Variants in KANSL1L observed in about 807,000 individuals in gnomAD.
The protein encoded by KANSL1L is KAT8 regulatory NSL complex subunit 1-like protein.
A neutral mutation model predicts 108.6 loss-of-function variants in KANSL1L; 25 were observed. That is an observed-to-expected ratio of 0.23 (90% CI 0.17 to 0.32). The LOEUF is 0.32. Ranked by LOEUF, KANSL1L falls within the 10% of genes least tolerant of loss-of-function variation. KANSL1L has a pLI of 1.00. For missense variants in KANSL1L, 1,137 were observed against 1,125.7 expected (o/e 1.01, Z -0.14); for synonymous variants, 405 against 395.1 (o/e 1.03, Z -0.30).
chr2:210,038,008 A>G (rs1255141850), intron 8 of KANSL1L, among the ~76,000 whole-genome samples: 4 of 152,128 alleles, frequency 2.6e-5, no homozygotes, highest in Non-Finnish European at 4.4e-5. Flanking sequence ...TAGAAGTAAA[A>G]TATTTTTATC....
Position 210,153,981 on chromosome 2 carries a change from A to G in KANSL1L, c.602T>C (p.Val201Ala). ...AACAGGCACATTTGAGTGGCCAGGT[A>G]CAATTTTCTTTTGAGTACAGTGCAA... Reference protein sequence around the residue: ...GLLHCTQKKIVPGHSNVPVSS... With the variant: ...GLLHCTQKKIAPGHSNVPVSS... Residue 201 changes from valine to alanine, a missense_variant, in exon 2 of 15, where the codon GTA becomes GCA. Physicochemically the swap from Val to Ala is moderately conservative, Grantham distance 64 (BLOSUM62 0). This residue lies in a region of KANSL1L where 556 missense variants were observed against 537.7 expected (regional missense o/e 1.03). Transcript: ENST00000281772. The G allele has an allele frequency of 5.0e-6, 8 of 1,613,752 alleles. No homozygotes were observed. Among genetic ancestry groups the G allele is most frequent in the Non-Finnish European group, 6.8e-6 (8 of 1,180,012 alleles).
Position 210,027,338 on chromosome 2 carries a change from A to T in KANSL1L, c.2409T>A (p.Val803=). ...KEILTPSWRM[V]VLQPLDEYNL... Reference sequence around the variant, plus strand: ...TATATTCATCCAAAGGCTGAAGAACAACCATCCTCCAGCTGTTGAAGATAA... The same window carrying T: ...TATATTCATCCAAAGGCTGAAGAACTACCATCCTCCAGCTGTTGAAGATAA... Residue 803 remains valine (V), a synonymous_variant, in exon 12 of 15, where the codon GTT becomes GTA. Transcript: ENST00000281772. 1.2e-6 allele frequency: 2 copies of T among 1,612,820 alleles called. No individual in the cohort carries two copies. The highest frequency in any genetic ancestry group is 1.7e-4 in the Middle Eastern group (1 of 6,052).
At chr2:210,072,710 C>T (rs907611379) in intron 6 of KANSL1L, among the ~76,000 whole-genome samples, 1 of 152,162 alleles carries the variant, frequency 6.6e-6, no homozygotes, top group Non-Finnish European at 1.5e-5. Flanking sequence ...CGGTAATGCT[C>T]GCTCAGCTGC....
chr2:210,171,577 G>A (rs1027631998), upstream of KANSL1L: 1 of 152,278 alleles, frequency 6.6e-6, no homozygotes, highest in African/African-American at 2.4e-5. Flanking sequence ...CTGGTGCAGG[G>A]TTTACCTCGG....
At chr2:210,123,751 G>A (rs1168913522) in intron 3 of KANSL1L, among the ~76,000 whole-genome samples, 1 of 151,744 alleles carries the variant, frequency 6.6e-6, no homozygotes, top group African/African-American at 2.4e-5. Context: ...TGATTATTAT[G>A]CATTGTATTC....
chr2:210,080,485 G>A (rs1317763229), intron 5 of KANSL1L: 1 of 152,194 alleles, frequency 6.6e-6, no homozygotes, highest in Non-Finnish European at 1.5e-5. Flanking sequence ...GAGCCTAGGA[G>A]TCTGAATCCA....
intron 10 of KANSL1L, 76 bp from the exon 11 acceptor site, chr2:210,029,045 T>A: frequency 1.6e-6 from 2 of 1,235,374 alleles, no homozygotes; most frequent in Non-Finnish European, 2.3e-6. Context: ...ATCAGTTATG[T>A]AAATATGGCA....
chr2:210,062,758 A>G (rs1188460681), intron 6 of KANSL1L, among the ~76,000 whole-genome samples: 1 of 152,174 alleles, frequency 6.6e-6, no homozygotes, highest in Admixed American at 6.5e-5. Flanking sequence ...AGAAATTTCT[A>G]AGCAGCAAAG....
chr2:210,056,701 G>A (rs1177770616), intron 6 of KANSL1L, among the ~76,000 whole-genome samples: 3 of 152,050 alleles, frequency 2.0e-5, no homozygotes, highest in African/African-American at 2.4e-5. Flanking sequence ...GGCTGCTCTC[G>A]AACTCCTGAC....
At chr2:210,144,286 G>A (rs937523199) in intron 2 of KANSL1L, among the ~76,000 whole-genome samples, 1 of 152,096 alleles carries the variant, frequency 6.6e-6, no homozygotes, top group African/African-American at 2.4e-5. Context: ...ATAATATGTT[G>A]TAGTGTGGTC....
intron 3 of KANSL1L, among the ~76,000 whole-genome samples, chr2:210,115,872 G>A (rs904463419): frequency 1.3e-5 from 2 of 152,142 alleles, no homozygotes; most frequent in African/African-American, 4.8e-5. Flanking sequence ...GAACAAGACG[G>A]CTGAATAGAA....
rs1016029055 is a variant in KANSL1L at position 210,070,897 on chromosome 2, C to T, written c.1755+4655G>A. Among the ~76,000 whole-genome samples the T allele has an allele frequency of 3.3e-4, 50 of 152,084 alleles. 1 individual carries two copies. The highest frequency in any genetic ancestry group is 3.4e-4 in the Non-Finnish European group (23 of 68,026). On this transcript the variant is annotated intron_variant, in intron 6 of 14. Transcript: ENST00000281772. ...ATATGTAGCCGGGTGCAGTGGCTCA[C>T]GCCTGTAATCCCAGCACTTTGGGAG...
At chr2:210,120,058 T>G (rs2094999612) in intron 3 of KANSL1L, among the ~76,000 whole-genome samples, 3 of 152,090 alleles carry the variant, frequency 2.0e-5, no homozygotes, top group African/African-American at 7.2e-5. Context: ...TCAACAAACC[T>G]GAAAGAAATA....
At chr2:210,151,291 GA>G (rs1376564436) in intron 2 of KANSL1L, 1 of 152,184 alleles carries the variant, frequency 6.6e-6, no homozygotes, top group East Asian at 1.9e-4. Flanking sequence ...AAAGTGCTGG[GA>G]TTACAGGCGT....
intron 1 of KANSL1L, among the ~76,000 whole-genome samples, 181 bp downstream of exon 1, chr2:210,170,968 C>T (rs1319050205): frequency 6.6e-6 from 1 of 151,838 alleles, no homozygotes; most frequent in Non-Finnish European, 1.5e-5. Context: ...CGCCCTAGAG[C>T]GCGATCCCGT....
upstream of KANSL1L, among the ~76,000 whole-genome samples, chr2:210,172,682 G>A (rs1283900367): frequency 3.3e-5 from 5 of 152,182 alleles, no homozygotes; most frequent in Non-Finnish European, 7.3e-5. Flanking sequence ...AATTAAATCA[G>A]TAAGTATTTA....
chr2:210,108,369 C>T (rs1185682125), intron 3 of KANSL1L, among the ~76,000 whole-genome samples: 3 of 152,194 alleles, frequency 2.0e-5, no homozygotes, highest in South Asian at 2.1e-4. Flanking sequence ...GAAGTTTATA[C>T]GTCTTTCCTT....
At position 210,129,136 on chromosome 2, in the gene KANSL1L, T is replaced by C; in HGVS notation, c.1125A>G (p.Arg375=). ...AAGTCCATCGGCTGCCAACTCGTGC[T>C]CTGTCTACAAGCCACTTCCATTCAG... is the stretch of plus-strand genomic sequence containing the variant. The part of the protein sequence containing the change: ...CSTEWKWLVD[R]ARVGSRWTWL... Residue 375 remains arginine (R), a synonymous_variant, in exon 3 of 15, where the codon AGA becomes AGG. Transcript: ENST00000281772. 6.2e-7 allele frequency: 1 copy of C among 1,613,910 alleles called. No homozygotes were observed.
intron 7 of KANSL1L, among the ~76,000 whole-genome samples, chr2:210,043,240 A>T (rs767623431): frequency 1.1e-4 from 16 of 152,062 alleles, no homozygotes; most frequent in Non-Finnish European, 2.2e-4. Context: ...TTTAAAAATT[A>T]GCTGGGTATG....
Sources: allele counts gnomAD v4.1 joint callset (sites outside exome capture counted in the v4.1 genomes callset), GRCh38; gene constraint gnomAD v4.1.1; regional missense constraint gnomAD v4.1.1; transcripts MANE v1.5; gene names NCBI Gene and HGNC (gene_info 2026-07-23, HGNC 2026-07-21).